Variants in NLRC5 observed in about 807,000 individuals in gnomAD.
NLRC5 encodes the protein protein NLRC5.
NLRC5 carries 114 observed loss-of-function variants against 206.9 expected under a neutral mutation model. The ratio of observed to expected loss-of-function variants is 0.55; its 90% CI spans 0.47 to 0.64. The LOEUF (loss-of-function observed/expected upper bound fraction) is 0.64. Ranked by LOEUF, NLRC5 falls within the 30% of genes least tolerant of loss-of-function variation. NLRC5 has a pLI of 0.00. For missense variants in NLRC5, 2,008 were observed against 2,305.5 expected, an observed-to-expected ratio of 0.87 and a Z score of 2.64; for synonymous variants, 952 against 962.8, an observed-to-expected ratio of 0.99 and a Z score of 0.21.
intron 11 of NLRC5, among the ~76,000 whole-genome samples, chr16:57,032,276 T>C (rs1295076072): frequency 2.0e-5 from 3 of 150,686 alleles, no homozygotes; most frequent in Non-Finnish European, 4.4e-5. Context: ...GGTGCACACC[T>C]GTAGTCCCAG....
At chr16:57,024,544 C>A (rs2061052744) in intron 5 of NLRC5, among the ~76,000 whole-genome samples, 1 of 152,186 alleles carries the variant, frequency 6.6e-6, no homozygotes, top group Non-Finnish European at 1.5e-5. Flanking sequence ...CTCAATGACC[C>A]AGGAATTAAA....
intron 8 of NLRC5, 129 bp from the exon 9 acceptor site, chr16:57,029,644 G>C (rs1159252382): frequency 1.4e-6 from 1 of 720,600 alleles, no homozygotes; most frequent in Admixed American, 2.2e-5. Flanking sequence ...CGGCGAGCAG[G>C]CCATCAGCTC....
intron 23 of NLRC5, among the ~76,000 whole-genome samples, chr16:57,049,320 G>A (rs11648592): frequency 0.012 from 1,860 of 152,260 alleles, 30 homozygotes; most frequent in Non-Finnish European, 0.019. Context: ...GCACTCTTAC[G>A]TGATTTGACT....
chr16:57,000,613 G>A (rs1187515036), intron 1 of NLRC5, among the ~76,000 whole-genome samples: 1 of 152,152 alleles, frequency 6.6e-6, no homozygotes, highest in South Asian at 2.1e-4. Flanking sequence ...CCCACTGTGA[G>A]CCTCAATTTC....
chr16:57,037,230 A>G lies in NLRC5; in HGVS notation c.2747A>G (p.His916Arg). 6.2e-7 allele frequency: 1 copy of G among 1,613,718 alleles called. No individual in the cohort carries two copies. The highest frequency in any genetic ancestry group is 8.5e-7 in the Non-Finnish European group (1 of 1,179,928). ...SNNGLSVAGVHCVLRAVSACW... is the reference protein window; with the variant it reads ...SNNGLSVAGVRCVLRAVSACW... Reference sequence around the variant, plus strand: ...AACGGGCTTTCTGTGGCCGGGGTGCATTGTGTGCTGAGGGCCGTGAGTGCG... The same window carrying G: ...AACGGGCTTTCTGTGGCCGGGGTGCGTTGTGTGCTGAGGGCCGTGAGTGCG... Residue 916 changes from histidine (H) to arginine (R), a missense_variant, in exon 15 of 49, where the codon CAT becomes CGT. Transcript: ENST00000688547.
At position 57,041,542 on chromosome 16, in the gene NLRC5, AG is replaced by A. The variant is rs1330111898; in HGVS notation, c.2999del (p.Gly1000GlufsTer38). On this transcript the variant is annotated frameshift_variant, in exon 18 of 49. Coordinates refer to ENST00000688547, the MANE Select transcript of NLRC5 (RefSeq NM_001384950.1). LOFTEE classifies it high-confidence loss of function. ...HLEQLCKALGGSCHLGHLHLD... is the reference protein window; with the variant it reads ...HLEQLCKALGXSCHLGHLHLD... ...TAGAGCAGCTCTGCAAGGCTCTGGG[AG>A]GAAGCTGCCACCTCGGTCACCTCCA... 6.2e-7 allele frequency: 1 copy of A among 1,613,932 alleles called. No homozygotes were observed. Among genetic ancestry groups the A allele is most frequent in the Non-Finnish European group, 8.5e-7 (1 of 1,180,012 alleles).
chr16:56,991,288 G>A (rs1433113209), intron 1 of NLRC5, among the ~76,000 whole-genome samples: 2 of 152,106 alleles, frequency 1.3e-5, no homozygotes, highest in African/African-American at 2.4e-5. Context: ...CCACAGGGCC[G>A]GGTCAGCCTC....
At position 57,055,431 on chromosome 16, in the gene NLRC5, A is replaced by AGCAGGTTCACAGGCT; in HGVS notation, c.3663_3677dup. ...CTGCTTGTCCCCTTTACCTCCGTCC[A>AGCAGGTTCACAGGCT]GCAGGTTCACAGGCTGCAGCCTCAG... On this transcript the variant is annotated splice_acceptor_variant, in intron 26 of 48. Coordinates refer to ENST00000688547, the MANE Select transcript of NLRC5 (RefSeq NM_001384950.1). LOFTEE classifies it high-confidence loss of function. 6.2e-7 allele frequency: 1 copy of AGCAGGTTCACAGGCT among 1,613,868 alleles called. No individual in the cohort carries two copies. Among genetic ancestry groups the AGCAGGTTCACAGGCT allele is most frequent in the Admixed American group, 1.7e-5 (1 of 60,014 alleles).
chr16:56,990,836 G>T lies in NLRC5; in HGVS notation c.-128+1219G>T, dbSNP rs1213451921. 2.0e-5 allele frequency: 3 copies of T among 151,996 alleles called. No individual in the cohort carries two copies. In the East Asian group the frequency reaches 5.8e-4, roughly 29 times the overall value. The allele number at this position is 151,996 out of a possible 1,614,324, so 9.4% of individuals were successfully genotyped here. A position where few individuals can be genotyped will look rare whatever the true frequency, so the allele number is the denominator to read the frequency against. ...TCTAGATGTATCTGATGCTTTTCAG[G>T]TGTATCTAGACTCCCATCCAGCGTG... On this transcript the variant is annotated intron_variant, in intron 1 of 48. Coordinates refer to ENST00000688547, the MANE Select transcript of NLRC5 (RefSeq NM_001384950.1).
intron 47 of NLRC5, 92 bp from the exon 48 acceptor site, chr16:57,081,435 G>A (rs1250563913): frequency 1.6e-6 from 2 of 1,225,270 alleles, no homozygotes; most frequent in Non-Finnish European, 1.2e-6. Context: ...TGTGTCCCCT[G>A]ACCTTGGCCT....
intron 1 of NLRC5, chr16:56,990,599 G>A (rs2056698652): frequency 6.6e-6 from 1 of 152,146 alleles, no homozygotes; most frequent in South Asian, 2.1e-4. Context: ...ATAAGTTGGA[G>A]TTCTTATGTT....
intron 1 of NLRC5, chr16:57,014,043 CT>C: frequency 3.4e-6 from 1 of 292,598 alleles, no homozygotes; most frequent in Non-Finnish European, 6.6e-6. Flanking sequence ...TCTAAGCCTT[CT>C]TTAGCAGTCT....
chr16:56,994,173 T>A (rs1304624705), intron 1 of NLRC5, among the ~76,000 whole-genome samples: 1 of 141,670 alleles, frequency 7.1e-6, no homozygotes, highest in Non-Finnish European at 1.5e-5. Context: ...GCGGAGGGGC[T>A]GTATTTGCTC....
At chr16:57,065,061 C>G in intron 32 of NLRC5, 151 bp from the exon 33 acceptor site, 1 of 401,922 alleles carries the variant, frequency 2.5e-6, no homozygotes, top group Non-Finnish European at 4.4e-6. Context: ...TTGATGCCTA[C>G]TTGTATAATT....
intron 20 of NLRC5, chr16:57,045,154 C>T (rs1429060634): frequency 8.2e-6 from 3 of 367,370 alleles, no homozygotes; most frequent in Non-Finnish European, 1.0e-5. Flanking sequence ...CTGCAGTGAG[C>T]CATGACTGCA....
chr16:57,011,922 T>C (rs76590992), intron 1 of NLRC5, among the ~76,000 whole-genome samples: 2,446 of 152,318 alleles, frequency 0.016, 66 homozygotes, highest in African/African-American at 0.056. Flanking sequence ...TACCGTAAAA[T>C]CTATCCATTT....
chr16:57,045,123 T>G (rs2063772696), intron 20 of NLRC5, among the ~76,000 whole-genome samples: 1 of 151,486 alleles, frequency 6.6e-6, no homozygotes. Context: ...TAGGATCAGT[T>G]GAGCCCGGGG....
chr16:57,031,395 A>G lies in NLRC5; in HGVS notation c.2418-9A>G, dbSNP rs755775763. 2.4e-5 allele frequency: 38 copies of G among 1,613,416 alleles called. No individual in the cohort carries two copies. The South Asian group carries it at 4.1e-4, about 17-fold the overall frequency. On this transcript the variant is annotated splice_polypyrimidine_tract_variant and intron_variant, in intron 10 of 48. Coordinates refer to ENST00000688547, the MANE Select transcript of NLRC5 (RefSeq NM_001384950.1). ...TCTGGGTTTCATGGCTTGGTATCTG[A>G]TCCTGCAGGGAGGCGGACCTCATCT...
At chr16:57,008,359 T>C (rs1216149345) in intron 1 of NLRC5, among the ~76,000 whole-genome samples, 4 of 152,262 alleles carry the variant, frequency 2.6e-5, no homozygotes, top group Non-Finnish European at 5.9e-5. Context: ...TGAATTGTTA[T>C]AAATTGAACA....
Sources: gnomAD v4.1 joint callset for allele counts (sites outside exome capture counted in the v4.1 genomes callset) on GRCh38, gnomAD v4.1.1 for gene constraint, MANE v1.5 for transcripts, NCBI Gene and HGNC (gene_info 2026-07-23, HGNC 2026-07-21) for gene names.